Variants in ANLN observed in about 807,000 individuals in gnomAD.
The protein encoded by ANLN is anillin.
In ANLN, 59 loss-of-function variants were observed where a neutral mutation model predicts 135.1. The ratio of observed to expected loss-of-function variants is 0.44; its 90% confidence interval spans 0.35 to 0.54. ANLN has a LOEUF of 0.54. Ranked by LOEUF, ANLN falls within the 20% of genes least tolerant of loss-of-function variation. ANLN has a pLI of 0.00. For missense variants in ANLN, 1,182 were observed against 1,340.0 expected, an observed-to-expected ratio of 0.88 and a Z score of 1.84; for synonymous variants, 406 against 456.4, an observed-to-expected ratio of 0.89 and a Z score of 1.41.
At chr7:36,451,514 A>G (rs1377686326) in intron 23 of ANLN, among the ~76,000 whole-genome samples, 1 of 152,048 alleles carries the variant, frequency 6.6e-6, no homozygotes, top group African/African-American at 2.4e-5. Flanking sequence ...GTGACTAGAG[A>G]TTTTTTTTAT....
At position 36,399,248 on chromosome 7, in the gene ANLN, T is replaced by C. The variant is rs752333447; in HGVS notation, c.342T>C (p.Ser114=). The C allele has an allele frequency of 6.2e-7, 1 of 1,614,110 alleles. No individual in the cohort carries two copies. Residue 114 remains serine (S), a synonymous_variant, in exon 3 of 24, where the codon AGT becomes AGC. Transcript: ENST00000265748. ...QVQPQAADTI[S]DSVAVPASLL... is the part of the protein sequence containing the mutation. The stretch of plus-strand genomic sequence containing the variant: ...AGCCACAAGCAGCAGATACCATCAG[T>C]GATTCTGTTGCTGTCCCGGCATCAC...
In ANLN at chr7:36,452,594, G is replaced by GCCTTAAA; in HGVS notation, c.3372_*3dup. 2 of 1,613,840 alleles carry GCCTTAAA rather than the reference G, an allele frequency of 1.2e-6. No homozygotes were observed. Among genetic ancestry groups the GCCTTAAA allele is most frequent in the Non-Finnish European group, 1.7e-6 (2 of 1,179,848 alleles). On this transcript the variant is annotated stop_gained and frameshift_variant, in exon 24 of 24. Transcript: ENST00000265748. LOFTEE classifies it high-confidence loss of function. ...ATGCTTGCTACAAACCTATTGGAAA[G>GCCTTAAA]CCTTAAACCGGGAAATTTCCATGCT...
At chr7:36,421,029 G>A (rs1208937787) in intron 12 of ANLN, among the ~76,000 whole-genome samples, 2 of 151,758 alleles carry the variant, frequency 1.3e-5, no homozygotes, top group Non-Finnish European at 2.9e-5. Context: ...TGATGTAGTG[G>A]GAAATTTGTT....
In ANLN at chr7:36,425,694, T is replaced by A. The variant is rs144063751; in HGVS notation, c.2710-8T>A. The A allele has an allele frequency of 4.4e-6, 7 of 1,601,882 alleles. No individual in the cohort carries two copies. In the African/African-American group the frequency reaches 8.0e-5, roughly 18 times the overall value. ...GAAATATATATAGTAAGCTATCTTT[T>A]CTTTTAGGCTATTACTCCAAAGCGA... On this transcript the variant is annotated splice_region_variant and splice_polypyrimidine_tract_variant and intron_variant, in intron 17 of 23. Coordinates refer to ENST00000265748, the MANE Select transcript of ANLN (RefSeq NM_018685.5).
At position 36,445,428 on chromosome 7, in the gene ANLN, C is replaced by T. The variant is rs181184207; in HGVS notation, c.3078+1566C>T. Among the ~76,000 whole-genome samples the T allele has an allele frequency of 3.9e-3, 590 of 152,118 alleles. 2 individuals are homozygous for T. The highest frequency in any genetic ancestry group is 6.1e-3 in the Non-Finnish European group (418 of 67,976). On this transcript the variant is annotated intron_variant, in intron 22 of 23. Transcript: ENST00000265748. The stretch of plus-strand genomic sequence containing the variant: ...TTTTTAAACATTATACAGATAATAA[C>T]ATATTGTATGTATTATTCTGCAACT...
Position 36,452,497 on chromosome 7 carries a change from C to G in ANLN, c.3272C>G (p.Thr1091Ser). 1 of 1,613,998 alleles carries G rather than the reference C, an allele frequency of 6.2e-7. No homozygotes were observed. Among genetic ancestry groups the G allele is most frequent in the African/African-American group, 1.3e-5 (1 of 75,024 alleles). The change falls in exon 24 of 24, where the codon ACT becomes AGT. Residue 1091 changes from threonine to serine, a missense_variant. Around this residue, in one of 3 missense-constraint regions of ANLN, gnomAD observed 78 missense variants for 72.7 expected, o/e 1.07. Coordinates refer to ENST00000265748, the MANE Select transcript of ANLN (RefSeq NM_018685.5). ...CVTKNWLSAD[T>S]KEERDLWMQK... ...TGTAGGAACTGGCTGTCTGCAGATA[C>G]TAAAGAAGAGCGGGATCTCTGGATG...
chr7:36,430,007 C>A (rs1788248042), intron 20 of ANLN, among the ~76,000 whole-genome samples: 2 of 152,154 alleles, frequency 1.3e-5, no homozygotes, highest in South Asian at 4.1e-4. Flanking sequence ...GAAGTAAAAT[C>A]TGGAACAAAT....
intron 20 of ANLN, among the ~76,000 whole-genome samples, chr7:36,438,319 A>G (rs902413576): frequency 6.6e-6 from 1 of 152,074 alleles, no homozygotes; most frequent in Admixed American, 6.6e-5. Context: ...TGGTCTCTCA[A>G]TTCCATTTCT....
intron 22 of ANLN, 67 bp from the exon 23 acceptor site, chr7:36,449,598 G>A (rs1322418891): frequency 6.7e-6 from 8 of 1,196,062 alleles, no homozygotes; most frequent in Non-Finnish European, 9.1e-6. Flanking sequence ...CAACTTAAAT[G>A]CTGCTTAATG....
intron 9 of ANLN, among the ~76,000 whole-genome samples, chr7:36,418,920 AT>A (rs909698067): frequency 4.0e-5 from 6 of 151,276 alleles, no homozygotes; most frequent in East Asian, 3.9e-4. Context: ...CGCCTGGCTA[AT>A]TTTTTTTGTA....
Position 36,424,696 on chromosome 7 carries a change from A to G in ANLN, c.2663A>G (p.Lys888Arg), listed in dbSNP as rs1432480239. 2 of 1,612,506 alleles carry G rather than the reference A, an allele frequency of 1.2e-6. No individual in the cohort carries two copies. Among genetic ancestry groups the G allele is most frequent in the Non-Finnish European group, 1.7e-6 (2 of 1,179,364 alleles). ...NIEVYSLVQK[K>R]DPSGLDKKKK... Reference sequence around the variant, plus strand: ...TGGGTTTGTGCGTAGGTGCAAAAGAAAGATCCCTCAGGCCTTGATAAGAAG... The same window carrying G: ...TGGGTTTGTGCGTAGGTGCAAAAGAGAGATCCCTCAGGCCTTGATAAGAAG... The change falls in exon 17 of 24, where the codon AAA (lysine) becomes AGA (arginine). Residue 888 changes from lysine to arginine, a missense_variant. By Grantham distance (26) the Lys-to-Arg change is conservative. This residue lies in a region of ANLN where 1,022 missense variants were observed against 1,134.0 expected (regional missense o/e 0.90). Coordinates refer to ENST00000265748, the MANE Select transcript of ANLN (RefSeq NM_018685.5).
rs368703385 is a variant in ANLN, at chr7:36,410,544, G to A, written c.1127G>A (p.Arg376His). The A allele has an allele frequency of 2.5e-5, 41 of 1,613,172 alleles. No homozygotes were observed. Among genetic ancestry groups the A allele is most frequent in the South Asian group, 1.4e-4 (13 of 90,940 alleles). ...GGTGIKPFLE[R>H]FGERCQEHSK... Reference sequence around the variant, plus strand: ...ACAGGAATTAAGCCTTTCCTGGAACGCTTTGGAGAGCGTTGTCAAGAACAT... The same window carrying A: ...ACAGGAATTAAGCCTTTCCTGGAACACTTTGGAGAGCGTTGTCAAGAACAT... Residue 376 changes from arginine (R) to histidine (H), a missense_variant, in exon 6 of 24, where the codon CGC (arginine) becomes CAC (histidine). Coordinates refer to ENST00000265748, the MANE Select transcript of ANLN (RefSeq NM_018685.5).
intron 5 of ANLN, among the ~76,000 whole-genome samples, chr7:36,408,433 G>GA (rs1258105207): frequency 6.6e-6 from 1 of 151,950 alleles, no homozygotes; most frequent in Non-Finnish European, 1.5e-5. Flanking sequence ...AGAAATTTTT[G>GA]AAAAAATTGC....
At chr7:36,444,167 G>A (rs1022932990) in intron 22 of ANLN, among the ~76,000 whole-genome samples, 19 of 152,140 alleles carry the variant, frequency 1.2e-4, no homozygotes, top group African/African-American at 4.6e-4. Context: ...GCAGGTGCCT[G>A]TAATCCCAGC....
chr7:36,443,905 C>T, intron 22 of ANLN, 43 bp downstream of exon 22: 1 of 1,396,298 alleles, frequency 7.2e-7, no homozygotes. Context: ...CCCTGATTGA[C>T]TTTCGTGTAG....
Position 36,407,775 on chromosome 7 carries a change from T to C in ANLN, c.915T>C (p.Asp305=). Residue 305 remains aspartate, a synonymous_variant, in exon 5 of 24, where the codon GAT becomes GAC. Transcript: ENST00000265748. ...TGAAATCTACTACATCTATCACTGA[T>C]GCTAAAAGTTGTGAGGGACAAAATC... is the stretch of plus-strand genomic sequence containing the variant. ...SPVKSTTSIT[D]AKSCEGQNPE... is the part of the protein sequence containing the mutation. 5.0e-6 allele frequency: 8 copies of C among 1,613,842 alleles called. No individual in the cohort carries two copies. The highest frequency in any genetic ancestry group is 6.8e-6 in the Non-Finnish European group (8 of 1,179,792).
chr7:36,415,641 T>C (rs533117542), intron 7 of ANLN, 117 bp from the exon 8 acceptor site: 1 of 1,182,372 alleles, frequency 8.5e-7, no homozygotes, highest in South Asian at 2.0e-5. Context: ...TCTCTTTGGT[T>C]CTAAGGAAAC....
intron 11 of ANLN, 115 bp from the exon 12 acceptor site, chr7:36,420,482 G>T (rs1787830831): frequency 7.9e-7 from 1 of 1,265,338 alleles, no homozygotes; most frequent in Non-Finnish European, 1.1e-6. Context: ...ATTCTGTTGT[G>T]AAATGTTCTG....
chr7:36,426,577 T>C (rs1261147341), intron 19 of ANLN, among the ~76,000 whole-genome samples: 1 of 152,188 alleles, frequency 6.6e-6, no homozygotes, highest in Non-Finnish European at 1.5e-5. Flanking sequence ...CTAAGAGACC[T>C]GTACAGAGAT....
Sources: gnomAD v4.1 joint callset for allele counts (sites outside exome capture counted in the v4.1 genomes callset) on GRCh38, gnomAD v4.1.1 for gene constraint, gnomAD v4.1.1 regional missense constraint, MANE v1.5 for transcripts, NCBI Gene and HGNC (gene_info 2026-07-23, HGNC 2026-07-21) for gene names.